The following ABAT variants were observed in gnomAD, a reference collection of about 807,000 sequenced individuals.
The protein encoded by ABAT is 4-aminobutyrate aminotransferase, mitochondrial.
Under a neutral mutation model 64.6 loss-of-function variants are expected in ABAT, and 45 were observed. The observed-to-expected ratio is 0.70, with a 90% CI of 0.55 to 0.89. The LOEUF (loss-of-function observed/expected upper bound fraction) is 0.89, where lower values mean the gene tolerates loss of function less well. ABAT is among the 40% of genes least tolerant of loss of function. The probability of loss-of-function intolerance (pLI) is 0.00; values close to 1 mark genes in which losing one functional copy is unlikely to be tolerated. For synonymous variants in ABAT, 297 were observed against 250.5 expected, an observed-to-expected ratio of 1.19 and a Z score of -1.75; for missense variants, 633 against 658.4, an observed-to-expected ratio of 0.96 and a Z score of 0.42.
At chr16:8,676,774 C>A (rs1162636260) in intron 1 of ABAT, among the ~76,000 whole-genome samples, 1 of 152,200 alleles carries the variant, frequency 6.6e-6, no homozygotes, top group Non-Finnish European at 1.5e-5. Context: ...CATATTCCTT[C>A]CCTCCAAGGT....
At chr16:8,706,348 T>C (rs1460791873) in intron 1 of ABAT, among the ~76,000 whole-genome samples, 1 of 144,304 alleles carries the variant, frequency 6.9e-6, no homozygotes, top group African/African-American at 2.6e-5. Flanking sequence ...AAGGCTGCAA[T>C]GAGCTGTGAT....
intron 1 of ABAT, among the ~76,000 whole-genome samples, chr16:8,732,756 G>A (rs1753749413): frequency 6.6e-6 from 1 of 150,604 alleles, no homozygotes; most frequent in Non-Finnish European, 1.5e-5. Context: ...CAGACGGGGT[G>A]GTGGCCGGGC....
chr16:8,716,808 C>T (rs1019229891), intron 1 of ABAT, among the ~76,000 whole-genome samples: 1 of 152,190 alleles, frequency 6.6e-6, no homozygotes, highest in Non-Finnish European at 1.5e-5. Context: ...GTTCCTGTGA[C>T]CACACTCCAA....
intron 1 of ABAT, among the ~76,000 whole-genome samples, chr16:8,692,320 G>A (rs1003781466): frequency 6.6e-6 from 1 of 152,112 alleles, no homozygotes. Context: ...AGGCTGCAGT[G>A]AGCTGTGATC....
At chr16:8,679,855 C>T (rs992214217) in intron 1 of ABAT, among the ~76,000 whole-genome samples, 5 of 152,214 alleles carry the variant, frequency 3.3e-5, no homozygotes, top group Non-Finnish European at 7.4e-5. Context: ...CCTGGGAGAG[C>T]ATTCTGAGGG....
At chr16:8,775,528 C>G (rs2060242374) in intron 13 of ABAT, among the ~76,000 whole-genome samples, 1 of 150,488 alleles carries the variant, frequency 6.6e-6, no homozygotes, top group Non-Finnish European at 1.5e-5. Context: ...ATACTCTTAC[C>G]CACTACACTG....
intron 3 of ABAT, 48 bp from the exon 4 acceptor site, chr16:8,748,060 G>T (rs1343345622): frequency 1.3e-6 from 2 of 1,578,052 alleles, no homozygotes; most frequent in East Asian, 2.2e-5. Context: ...AAGCTATTTT[G>T]GCAAGAGTGT....
At chr16:8,735,607 C>T (rs2058900129) in intron 1 of ABAT, 92 bp from the exon 2 acceptor site, 3 of 1,040,904 alleles carry the variant, frequency 2.9e-6, no homozygotes, top group South Asian at 1.4e-5. Flanking sequence ...GAAGAACTTT[C>T]TCTATTAGGT....
At chr16:8,722,839 C>G in intron 1 of ABAT, 1 of 1,289,108 alleles carries the variant, frequency 7.8e-7, no homozygotes. Flanking sequence ...AATGCAACTT[C>G]GAGGTAGGAG....
At chr16:8,769,606 G>C (rs2060046438) in intron 11 of ABAT, among the ~76,000 whole-genome samples, 1 of 150,958 alleles carries the variant, frequency 6.6e-6, no homozygotes, top group Admixed American at 6.6e-5. Context: ...AAGAATATGG[G>C]ATATCCCACA....
intron 2 of ABAT, among the ~76,000 whole-genome samples, chr16:8,743,918 G>T (rs2059255040): frequency 6.6e-6 from 1 of 152,032 alleles, no homozygotes; most frequent in African/African-American, 2.4e-5. Context: ...AGGGGTTCCT[G>T]ACAGTAAACC....
intron 1 of ABAT, among the ~76,000 whole-genome samples, chr16:8,723,989 C>A (rs1013166240): frequency 6.6e-6 from 1 of 151,256 alleles, no homozygotes; most frequent in Admixed American, 6.6e-5. Flanking sequence ...TACAGGTGCA[C>A]GCCACCATGC....
At chr16:8,729,020 C>T (rs1021802393) in intron 1 of ABAT, among the ~76,000 whole-genome samples, 7 of 151,914 alleles carry the variant, frequency 4.6e-5, no homozygotes, top group African/African-American at 1.7e-4. Context: ...TCAACAATAG[C>T]TAGGGGCCGG....
At chr16:8,710,727 A>AGAGAGAGAGAGAGGGAGGGAGAGGGAGG (rs146344975) in intron 1 of ABAT, among the ~76,000 whole-genome samples, 2 of 103,700 alleles carry the variant, frequency 1.9e-5, no homozygotes, top group East Asian at 4.5e-4. Flanking sequence ...AGAGAGAGAG[A>AGAGAGAGAGAGAGGGAGGGAGAGGGAGG]GAGGAAATAG....
At chr16:8,720,028 G>T (rs2142165202) in intron 1 of ABAT, among the ~76,000 whole-genome samples, 1 of 152,254 alleles carries the variant, frequency 6.6e-6, no homozygotes, top group East Asian at 1.9e-4. Flanking sequence ...AGCCAGGCTG[G>T]TCTCGAACTT....
In ABAT at chr16:8,710,694, C is replaced by CAGAGAGAGAG. The variant is rs558327984; in HGVS notation, c.-41-24978_-41-24969dup. On this transcript the variant is annotated intron_variant, in intron 1 of 15. Coordinates refer to ENST00000268251, the MANE Select transcript of ABAT (RefSeq NM_020686.6). ...GGTTAAGGCTGCACTGAGAGAGAGA[C>CAGAGAGAGAG]AGAGAGAGAGAGAGAGAGAGAGAGA... Among the ~76,000 whole-genome samples the CAGAGAGAGAG allele has an allele frequency of 2.2e-4, 27 of 122,028 alleles. 1 individual carries two copies. The East Asian group carries it at 4.9e-3, about 22-fold the overall frequency. The allele number at this position is 122,028 out of a possible 152,430, so 80.1% of individuals were successfully genotyped here.
chr16:8,725,173 C>A (rs529696080), intron 1 of ABAT, among the ~76,000 whole-genome samples: 2 of 152,322 alleles, frequency 1.3e-5, no homozygotes, highest in South Asian at 4.1e-4. Context: ...GTCTCGGCCT[C>A]CCAAAGTGCT....
chr16:8,759,337 A>G (rs1010342003), intron 6 of ABAT, among the ~76,000 whole-genome samples: 2 of 151,506 alleles, frequency 1.3e-5, no homozygotes, highest in Non-Finnish European at 2.9e-5. Context: ...TGTTGTATTT[A>G]TGTCCGTGCT....
intron 1 of ABAT, among the ~76,000 whole-genome samples, chr16:8,709,122 T>C (rs2058014210): frequency 1.3e-5 from 2 of 152,208 alleles, no homozygotes; most frequent in Admixed American, 6.5e-5. Flanking sequence ...TACTAATTAG[T>C]TTTATGCTAA....
Sources: allele counts gnomAD v4.1 joint callset (sites outside exome capture counted in the v4.1 genomes callset), GRCh38; gene constraint gnomAD v4.1.1; transcripts MANE v1.5; gene names NCBI Gene and HGNC (gene_info 2026-07-23, HGNC 2026-07-21).